SYNE1: variants seen among roughly 807,000 people sequenced by gnomAD.
The protein encoded by SYNE1 is spectrin repeat containing nuclear envelope protein 1.
Under a neutral mutation model 1,111.0 loss-of-function variants are expected in SYNE1, and 616 were observed. The ratio of observed to expected loss-of-function variants is 0.55; its 90% CI spans 0.52 to 0.59. SYNE1 has a LOEUF of 0.59. SYNE1 is among the 20% of genes least tolerant of loss of function. SYNE1 has a pLI of 0.00. For synonymous variants in SYNE1, 3,855 were observed against 3,825.8 expected (o/e 1.01, Z -0.28); for missense variants, 10,006 against 10,417.0 (o/e 0.96, Z 1.72).
chr6:152,406,942 G>T (rs962760905), intron 45 of SYNE1, 72 bp downstream of exon 45: 22 of 1,151,254 alleles, frequency 1.9e-5, no homozygotes, highest in Admixed American at 8.0e-5. Flanking sequence ...TTTTAAGAAA[G>T]ACTTTTTTTT....
At chr6:152,306,487 AAAATAAAT>A (rs56931883) in intron 91 of SYNE1, among the ~76,000 whole-genome samples, 24,080 of 142,362 alleles carry the variant, frequency 0.17, 2,103 homozygotes, top group South Asian at 0.22. Flanking sequence ...CTCCATCTAA[AAAATAAAT>A]AAATAAATAA....
At chr6:152,180,807 C>G (rs1029156444) in intron 128 of SYNE1, among the ~76,000 whole-genome samples, 1 of 152,084 alleles carries the variant, frequency 6.6e-6, no homozygotes, top group Non-Finnish European at 1.5e-5. Context: ...AGCATCCAAG[C>G]GAAGCGGCCT....
chr6:152,478,552 G>A (rs1051112937), intron 14 of SYNE1: 3 of 152,268 alleles, frequency 2.0e-5, no homozygotes, highest in Admixed American at 6.5e-5. Context: ...GCGTGTATTC[G>A]GGCACAGATG....
chr6:152,499,936 C>G (rs1027140287), intron 10 of SYNE1, among the ~76,000 whole-genome samples: 5 of 152,034 alleles, frequency 3.3e-5, no homozygotes, highest in Non-Finnish European at 1.5e-5. Flanking sequence ...TATTAAAAAG[C>G]CTATATCAAT....
At chr6:152,350,884 T>C (rs1432075373) in intron 70 of SYNE1, 114 bp from the exon 71 acceptor site, 1 of 1,315,264 alleles carries the variant, frequency 7.6e-7, no homozygotes, top group Non-Finnish European at 1.1e-6. Context: ...ATTGTTCATA[T>C]TTATGAAGCA....
chr6:152,466,223 G>C, intron 16 of SYNE1, 145 bp from the exon 17 acceptor site: 1 of 633,258 alleles, frequency 1.6e-6, no homozygotes, highest in Non-Finnish European at 2.9e-6. Flanking sequence ...TAATTCCACT[G>C]CTACAAATTA....
At chr6:152,341,053 A>C (rs1187367352) in intron 74 of SYNE1, among the ~76,000 whole-genome samples, 1 of 152,214 alleles carries the variant, frequency 6.6e-6, no homozygotes, top group Non-Finnish European at 1.5e-5. Flanking sequence ...TGTGACTCCA[A>C]TCTGAGTATT....
chr6:152,532,136 C>T (rs930100607), intron 4 of SYNE1, among the ~76,000 whole-genome samples: 1 of 152,180 alleles, frequency 6.6e-6, no homozygotes, highest in African/African-American at 2.4e-5. Flanking sequence ...TGAAACATTA[C>T]TAGCATATCA....
chr6:152,352,374 G>A, intron 69 of SYNE1, 21 bp from the exon 70 acceptor site: 1 of 1,610,010 alleles, frequency 6.2e-7, no homozygotes, highest in Non-Finnish European at 8.5e-7. Context: ...GAGTGAGTAG[G>A]AGCAAAGGTA....
chr6:152,193,101 T>C (rs950661628), intron 127 of SYNE1, among the ~76,000 whole-genome samples: 4 of 152,174 alleles, frequency 2.6e-5, no homozygotes, highest in African/African-American at 9.7e-5. Flanking sequence ...TGCCATTTTA[T>C]TATTTGTTTT....
chr6:152,208,560 A>G lies in SYNE1; in HGVS notation c.22590-354T>C, dbSNP rs558260898. On this transcript the variant is annotated intron_variant, in intron 124 of 145. Coordinates refer to ENST00000367255, the MANE Select transcript of SYNE1 (RefSeq NM_182961.4). ...TGCAAATCCTAAGCAGCTCCATAGC[A>G]ACATGTGCAGCTCGTGATGATGATA... Among the ~76,000 whole-genome samples, 22 of 152,338 alleles carry G rather than the reference A, an allele frequency of 1.4e-4. No individual in the cohort carries two copies. In the South Asian group the frequency reaches 2.9e-3, roughly 20 times the overall value.
intron 135 of SYNE1, among the ~76,000 whole-genome samples, chr6:152,150,978 A>G (rs2060306450): frequency 6.6e-6 from 1 of 152,144 alleles, no homozygotes; most frequent in Non-Finnish European, 1.5e-5. Context: ...TTGGGAGGCC[A>G]AAGCAGCTGG....
chr6:152,309,918 G>A lies in SYNE1; in HGVS notation c.17119C>T (p.Pro5707Ser). Residue 5707 changes from proline to serine, a missense_variant, in exon 90 of 146, where the codon CCT (proline) becomes TCT (serine). Transcript: ENST00000367255. ...AGCCGCAGAGCAGCATGACAGAGAG[G>A]TAAGCTGGCAACCACATCCTCGGGG... The part of the protein sequence containing the change: ...RIPEDVVASL[P>S]LCHAALRLQE... 6.2e-7 allele frequency: 1 copy of A among 1,614,164 alleles called. No individual in the cohort carries two copies. Among genetic ancestry groups the A allele is most frequent in the Non-Finnish European group, 8.5e-7 (1 of 1,180,042 alleles).
intron 128 of SYNE1, among the ~76,000 whole-genome samples, chr6:152,187,719 T>TTG (rs143508088): frequency 0.35 from 51,858 of 148,738 alleles, 8,855 homozygotes; most frequent in South Asian, 0.43. Context: ...TTTATACAGT[T>TTG]TGTGTGTGTG....
intron 50 of SYNE1, 42 bp from the exon 51 acceptor site, chr6:152,395,713 G>C (rs1231247277): frequency 1.2e-6 from 2 of 1,606,756 alleles, no homozygotes; most frequent in Non-Finnish European, 1.7e-6. Context: ...TTACATGCTT[G>C]TTATGATAAA....
chr6:152,330,405 G>A lies in SYNE1; in HGVS notation c.14280C>T (p.His4760=), dbSNP rs762982587. ...TCTGTTCTGTTTGTCGCTTCAGCCT[G>A]TGATATAAGGTGACAAGGTGCAGCA... ...DKMLHLVTLY[H]RLKRQTEQRV... The change falls in exon 78 of 146, where the codon CAC becomes CAT. Residue 4760 remains histidine (H), a synonymous_variant. Transcript: ENST00000367255. 6.2e-7 allele frequency: 1 copy of A among 1,614,136 alleles called. No individual in the cohort carries two copies. Among genetic ancestry groups the A allele is most frequent in the East Asian group, 2.2e-5 (1 of 44,880 alleles).
chr6:152,212,870 T>C (rs2077788019), intron 123 of SYNE1, among the ~76,000 whole-genome samples: 1 of 152,210 alleles, frequency 6.6e-6, no homozygotes, highest in African/African-American at 2.4e-5. Context: ...TATTTCATCA[T>C]CTGTCAATTC....
intron 5 of SYNE1, among the ~76,000 whole-genome samples, chr6:152,522,588 G>A (rs1256143528): frequency 6.6e-6 from 1 of 152,158 alleles, no homozygotes; most frequent in Non-Finnish European, 1.5e-5. Flanking sequence ...TGGGATTGCT[G>A]TATCAAATGG....
At chr6:152,185,452 C>T (rs2069569059) in intron 128 of SYNE1, 1 of 152,178 alleles carries the variant, frequency 6.6e-6, no homozygotes, top group African/African-American at 2.4e-5. Context: ...TGGTTTCATA[C>T]TTGACAGAAA....
Sources: gnomAD v4.1 joint callset for allele counts (sites outside exome capture counted in the v4.1 genomes callset) on GRCh38, gnomAD v4.1.1 for gene constraint, MANE v1.5 for transcripts, NCBI Gene and HGNC (gene_info 2026-07-23, HGNC 2026-07-21) for gene names.